The following ANKAR variants were observed in gnomAD, a reference collection of about 807,000 sequenced individuals.
ANKAR encodes the protein ankyrin and armadillo repeat-containing protein.
ANKAR carries 136 observed loss-of-function variants against 146.2 expected under a neutral mutation model. The ratio of observed to expected loss-of-function variants is 0.93; its 90% CI spans 0.81 to 1.07. The LOEUF is 1.07. Ranked by LOEUF, ANKAR falls within the 50% of genes least tolerant of loss-of-function variation. ANKAR has a pLI of 0.00. For synonymous variants in ANKAR, 500 were observed against 575.8 expected, an observed-to-expected ratio of 0.87 and a Z score of 1.88; for missense variants, 1,567 against 1,679.9, an observed-to-expected ratio of 0.93 and a Z score of 1.18.
chr2:189,689,729 G>T lies in ANKAR; in HGVS notation c.804G>T (p.Trp268Cys). 1 of 1,613,026 alleles carries T rather than the reference G, an allele frequency of 6.2e-7. No homozygotes were observed. ...TCTTTATATTTGAAACAGGCTATTG[G>T]CTTACTAATGCTATAAAATATAATC... Reference protein sequence around the residue: ...ENVFIFETGYWLTNAIKYNQD... With the variant: ...ENVFIFETGYCLTNAIKYNQD... Residue 268 changes from tryptophan to cysteine, a missense_variant, in exon 3 of 23, where the codon TGG becomes TGT. Trp to Cys is a radical substitution (Grantham distance 215). Coordinates refer to ENST00000684021, the MANE Select transcript of ANKAR (RefSeq NM_001378068.1).
Position 189,705,227 on chromosome 2 carries a change from A to G in ANKAR, c.1910+3A>G, listed in dbSNP as rs371496202. On this transcript the variant is annotated splice_donor_region_variant and intron_variant, in intron 8 of 22. Coordinates refer to ENST00000684021, the MANE Select transcript of ANKAR (RefSeq NM_001378068.1). ...CTAGAAGCTGAGGCAACAGCTGAGT[A>G]AGTCATTAAGCATTTATATCAGGTT... 11 of 1,613,466 alleles carry G rather than the reference A, an allele frequency of 6.8e-6. No homozygotes were observed. In the African/African-American group the frequency reaches 1.3e-4, roughly 20 times the overall value.
At chr2:189,676,409 G>C in intron 1 of ANKAR, 47 bp from the exon 2 acceptor site, 1 of 1,405,722 alleles carries the variant, frequency 7.1e-7, no homozygotes, top group African/African-American at 1.4e-5. Flanking sequence ...CAGTTTCATT[G>C]GCATGTCAGA....
chr2:189,693,225 G>T, intron 5 of ANKAR, 48 bp downstream of exon 5: 1 of 1,211,950 alleles, frequency 8.3e-7, no homozygotes, highest in Non-Finnish European at 1.2e-6. Context: ...TTTTTTGCAC[G>T]TTAGTAGAGA....
chr2:189,699,684 G>C (rs549504569), intron 7 of ANKAR, among the ~76,000 whole-genome samples: 3 of 152,174 alleles, frequency 2.0e-5, no homozygotes, highest in African/African-American at 4.8e-5. Context: ...TTTTGAGATG[G>C]AATCTTGCTC....
chr2:189,729,210 G>C (rs950249149), intron 15 of ANKAR, among the ~76,000 whole-genome samples: 2 of 152,144 alleles, frequency 1.3e-5, no homozygotes, highest in African/African-American at 4.8e-5. Flanking sequence ...TCTCTGTAAT[G>C]ATCATTTGTT....
chr2:189,722,753 C>T (rs994019174), intron 12 of ANKAR, among the ~76,000 whole-genome samples: 5 of 151,816 alleles, frequency 3.3e-5, no homozygotes, highest in South Asian at 2.1e-4. Context: ...TGTGGTGGCG[C>T]GTGCCTGTAA....
chr2:189,713,471 C>G (rs1009677955), intron 10 of ANKAR, among the ~76,000 whole-genome samples: 47 of 151,740 alleles, frequency 3.1e-4, no homozygotes, highest in Non-Finnish European at 6.3e-4. Context: ...ATTCAGCATT[C>G]TTAAAGAATT....
intron 9 of ANKAR, 42 bp from the exon 10 acceptor site, chr2:189,711,007 T>C (rs2039612755): frequency 6.5e-7 from 1 of 1,542,148 alleles, no homozygotes; most frequent in South Asian, 1.1e-5. Flanking sequence ...CATTGCCTTT[T>C]GTGCAAATTA....
Position 189,677,136 on chromosome 2 carries a change from G to C in ANKAR, c.601+45G>C, listed in dbSNP as rs370852967. The stretch of plus-strand genomic sequence containing the variant: ...CTTAAATTTTTTTTTTTTTTTTTTG[G>C]AACAGAGTCTTACTACGTCACCCAG... On this transcript the variant is annotated intron_variant, in intron 2 of 22. Coordinates refer to ENST00000684021, the MANE Select transcript of ANKAR (RefSeq NM_001378068.1). The C allele has an allele frequency of 2.6e-6, 3 of 1,157,202 alleles. No homozygotes were observed. In the East Asian group the frequency reaches 8.4e-5, roughly 32 times the overall value. 71.7% of individuals were successfully genotyped at this position (1,157,202 alleles called of 1,614,324 possible). A position where few individuals can be genotyped will look rare whatever the true frequency, so the allele number is the denominator to read the frequency against.
At position 189,711,088 on chromosome 2, in the gene ANKAR, C is replaced by T; in HGVS notation, c.2159C>T (p.Ala720Val). ...GAAAGCTATAAACGAAGGATGATGG[C>T]CGTCATGTCCTTGGAAGTAATTTGC... The part of the protein sequence containing the change: ...QCESYKRRMM[A>V]VMSLEVICLA... Residue 720 changes from alanine (A) to valine (V), a missense_variant, in exon 10 of 23, where the codon GCC becomes GTC. Transcript: ENST00000684021. The T allele has an allele frequency of 9.3e-6, 15 of 1,613,940 alleles. No homozygotes were observed. The highest frequency in any genetic ancestry group is 1.1e-5 in the Non-Finnish European group (13 of 1,179,916).
At chr2:189,729,541 T>C (rs950321125) in intron 15 of ANKAR, among the ~76,000 whole-genome samples, 2 of 151,226 alleles carry the variant, frequency 1.3e-5, no homozygotes, top group Non-Finnish European at 1.5e-5. Flanking sequence ...AGATGTTTCT[T>C]TTTTTTTGGC....
At chr2:189,726,883 AT>A (rs2041935376) in intron 12 of ANKAR, among the ~76,000 whole-genome samples, 1 of 152,196 alleles carries the variant, frequency 6.6e-6, no homozygotes, top group Admixed American at 6.5e-5. Context: ...AGATAAATGG[AT>A]AGAAAAACCA....
At chr2:189,692,944 C>T in intron 4 of ANKAR, 130 bp from the exon 5 acceptor site, 1 of 484,534 alleles carries the variant, frequency 2.1e-6, no homozygotes. Context: ...TATTCAGCTG[C>T]TATCCGGGTC....
chr2:189,718,982 C>T (rs1160875500), intron 10 of ANKAR, among the ~76,000 whole-genome samples: 2 of 151,936 alleles, frequency 1.3e-5, no homozygotes, highest in African/African-American at 2.4e-5. Flanking sequence ...ATCTCCTGAC[C>T]TCATGATCCA....
At chr2:189,745,982 T>C (rs2044099073) in intron 22 of ANKAR, among the ~76,000 whole-genome samples, 1 of 152,196 alleles carries the variant, frequency 6.6e-6, no homozygotes, top group South Asian at 2.1e-4. Flanking sequence ...TTATCAGTCA[T>C]GATCTGATGA....
In ANKAR at chr2:189,729,979, G is replaced by GA. The variant is rs897525604; in HGVS notation, c.3194-505dup. Among the ~76,000 whole-genome samples the GA allele has an allele frequency of 7.0e-3, 1,000 of 143,310 alleles. 8 individuals carry two copies. The highest frequency in any genetic ancestry group is 0.023 in the African/African-American group (915 of 39,310). The allele number at this position is 143,310 out of a possible 152,430, so 94.0% of individuals were successfully genotyped here. ...TCTCAACAGGAAATTGCAAGGAGTGGAAAAAAAAAAAGAGAGAGTTGAGTC... is the reference window on the plus strand; with the variant it reads ...TCTCAACAGGAAATTGCAAGGAGTGGAAAAAAAAAAAAGAGAGAGTTGAGTC... On this transcript the variant is annotated intron_variant, in intron 15 of 22. Coordinates refer to ENST00000684021, the MANE Select transcript of ANKAR (RefSeq NM_001378068.1).
In ANKAR at chr2:189,690,942, T is replaced by C. The variant is rs371486394; in HGVS notation, c.1039+978T>C. 1.4e-4 allele frequency among the ~76,000 whole-genome samples: 21 copies of C among 152,364 alleles called. No homozygotes were observed. In the East Asian group the frequency reaches 1.7e-3, roughly 13 times the overall value. ...GGTGTATAGTGTATATTATTATTTGTACTTTTCTTTACCTTTTATATTTCT... is the reference window on the plus strand; with the variant it reads ...GGTGTATAGTGTATATTATTATTTGCACTTTTCTTTACCTTTTATATTTCT... On this transcript the variant is annotated intron_variant, in intron 3 of 22. Transcript: ENST00000684021.
intron 10 of ANKAR, among the ~76,000 whole-genome samples, chr2:189,717,486 G>C (rs1421558698): frequency 2.0e-5 from 3 of 152,186 alleles, no homozygotes; most frequent in African/African-American, 7.2e-5. Flanking sequence ...TACACTATTG[G>C]TGGGAGTGTA....
chr2:189,754,026 T>C (rs1002095311), intron 18 of ANKAR: 1 of 1,613,564 alleles, frequency 6.2e-7, no homozygotes. Flanking sequence ...GTGGCAGCAA[T>C]GTCTGCTGCT....
Sources: allele counts gnomAD v4.1 joint callset (sites outside exome capture counted in the v4.1 genomes callset), GRCh38; gene constraint gnomAD v4.1.1; transcripts MANE v1.5; gene names NCBI Gene and HGNC (gene_info 2026-07-23, HGNC 2026-07-21).